Variants in ZNF536 observed in about 807,000 individuals in gnomAD.
The protein encoded by ZNF536 is zinc finger protein 536.
ZNF536 carries 13 observed loss-of-function variants against 84.5 expected under a neutral mutation model. That is an observed-to-expected ratio of 0.15 (90% confidence interval 0.10 to 0.24). ZNF536 has a LOEUF of 0.24. Ranked by LOEUF, ZNF536 falls within the 10% of genes least tolerant of loss-of-function variation. The pLI is 1.00. For synonymous variants in ZNF536, 811 were observed against 742.5 expected (o/e 1.09, Z -1.50); for missense variants, 1,536 against 1,747.5 (o/e 0.88, Z 2.16).
intron 2 of ZNF536, among the ~76,000 whole-genome samples, chr19:30,288,494 A>G (rs1483054072): frequency 6.6e-6 from 1 of 152,218 alleles, no homozygotes; most frequent in East Asian, 1.9e-4. Flanking sequence ...GAGTGGTCCA[A>G]GTTACCTCAC....
At chr19:30,659,580 CAT>C (rs1416817000) in intron 1 of ZNF536, among the ~76,000 whole-genome samples, 1 of 152,160 alleles carries the variant, frequency 6.6e-6, no homozygotes, top group Non-Finnish European at 1.5e-5. Context: ...GCCTCACAAA[CAT>C]GGTGGAAGGT....
intron 1 of ZNF536, among the ~76,000 whole-genome samples, chr19:30,428,308 C>T (rs895611829): frequency 1.2e-4 from 19 of 152,334 alleles, no homozygotes; most frequent in Non-Finnish European, 2.2e-4. Context: ...CCTGTGCAGA[C>T]GCTGCTTCAA....
chr19:30,524,664 T>G (rs1239511041), intron 2 of ZNF536, among the ~76,000 whole-genome samples: 2 of 152,174 alleles, frequency 1.3e-5, no homozygotes, highest in Non-Finnish European at 2.9e-5. Flanking sequence ...GTCATTTAGG[T>G]AAGAATTCCT....
chr19:30,519,347 C>A (rs1568509132), intron 2 of ZNF536, among the ~76,000 whole-genome samples: 1 of 152,218 alleles, frequency 6.6e-6, no homozygotes, highest in African/African-American at 2.4e-5. Flanking sequence ...GGACTGGAAG[C>A]TTTGCACAGC....
upstream of ZNF536, among the ~76,000 whole-genome samples, chr19:30,368,633 C>G (rs531528614): frequency 1.3e-5 from 2 of 152,216 alleles, no homozygotes; most frequent in South Asian, 2.1e-4. Context: ...AAACTCAACA[C>G]GTTGATGACC....
At chr19:30,428,223 G>A (rs899941254) in intron 1 of ZNF536, among the ~76,000 whole-genome samples, 8 of 152,240 alleles carry the variant, frequency 5.3e-5, no homozygotes, top group Non-Finnish European at 7.3e-5. Flanking sequence ...GATAGAGGCC[G>A]CATCAACATG....
rs772633500 is a variant in ZNF536 at position 30,548,133 on chromosome 19, G to C, written c.2514G>C (p.Leu838=). Residue 838 remains leucine (L), a synonymous_variant, in exon 4 of 5, where the codon CTG becomes CTC. Transcript: ENST00000355537. ...CTCTGTTCATCAGGCCAGACATCCTGAGGGGGGCCTTCAAGGGTCTCCCTG... is the reference window on the plus strand; with the variant it reads ...CTCTGTTCATCAGGCCAGACATCCTCAGGGGGGCCTTCAAGGGTCTCCCTG... ...KASLFIRPDI[L]RGAFKGLPGI... is the part of the protein sequence containing the mutation. 2.5e-6 allele frequency: 4 copies of C among 1,614,098 alleles called. No individual in the cohort carries two copies. The Admixed American group carries it at 5.0e-5, about 20-fold the overall frequency.
At chr19:30,344,238 C>T (rs1393650808) in intron 2 of ZNF536, among the ~76,000 whole-genome samples, 4 of 117,606 alleles carry the variant, frequency 3.4e-5, no homozygotes, top group East Asian at 2.6e-4. Context: ...CAGGAGTTCG[C>T]GACCAGCCTG....
At chr19:30,323,853 C>T (rs557910612) in intron 2 of ZNF536, among the ~76,000 whole-genome samples, 2 of 152,260 alleles carry the variant, frequency 1.3e-5, no homozygotes, top group South Asian at 2.1e-4. Flanking sequence ...TCTATTTGTC[C>T]TGCTCCTCTG....
At chr19:30,623,020 GTT>G (rs66483120) in intron 1 of ZNF536, among the ~76,000 whole-genome samples, 4 of 129,542 alleles carry the variant, frequency 3.1e-5, no homozygotes, top group South Asian at 2.4e-4. Flanking sequence ...AAAATCTTGT[GTT>G]TTTTTTTTTG....
chr19:30,631,432 G>T (rs1469666850), intron 1 of ZNF536, among the ~76,000 whole-genome samples: 1 of 152,164 alleles, frequency 6.6e-6, no homozygotes, highest in African/African-American at 2.4e-5. Context: ...CTCCCACCAG[G>T]GTCCATGGAC....
At position 30,374,172 on chromosome 19, in the gene ZNF536, G is replaced by A. The variant is rs140073487; in HGVS notation, c.-3+1616G>A. Among the ~76,000 whole-genome samples the A allele has an allele frequency of 5.9e-3, 893 of 152,198 alleles. 17 individuals are homozygous for A. The highest frequency in any genetic ancestry group is 0.02 in the African/African-American group (849 of 41,552). On this transcript the variant is annotated intron_variant, in intron 1 of 4. Transcript: ENST00000355537. ...CATGAAGATAAGAAATATTGCCCTG[G>A]AGTGTATAAAGAAAGAGTTTTTTTT...
chr19:30,572,828 G>A (rs796538176), intron 1 of ZNF536, among the ~76,000 whole-genome samples: 1 of 152,194 alleles, frequency 6.6e-6, no homozygotes, highest in East Asian at 1.9e-4. Flanking sequence ...TGTTGAAGGG[G>A]GACATTGGAG....
intron 1 of ZNF536, among the ~76,000 whole-genome samples, chr19:30,414,131 T>A (rs1311701241): frequency 1.3e-5 from 2 of 151,146 alleles, no homozygotes; most frequent in Non-Finnish European, 2.9e-5. Flanking sequence ...CTGTACCTAT[T>A]TAATGTTTTG....
intron 2 of ZNF536, among the ~76,000 whole-genome samples, chr19:30,481,707 G>T (rs1275229137): frequency 6.6e-6 from 1 of 151,890 alleles, no homozygotes. Context: ...TTTGGGGAAC[G>T]GGTGGCTTTT....
Position 30,444,113 on chromosome 19 carries a change from A to G in ZNF536, c.551A>G (p.Asn184Ser), listed in dbSNP as rs2052196020. The change falls in exon 2 of 5, where the codon AAC becomes AGC. Residue 184 changes from asparagine (N) to serine (S), a missense_variant. Coordinates refer to ENST00000355537, the MANE Select transcript of ZNF536 (RefSeq NM_014717.3). The part of the protein sequence containing the change: ...KIHLRTHKLG[N>S]LGKGRGRVRE... ...CACCTGCGGACCCACAAGCTGGGCA[A>G]CCTGGGCAAGGGGCGTGGGCGTGTG... 5 of 1,611,770 alleles carry G rather than the reference A, an allele frequency of 3.1e-6. No individual in the cohort carries two copies. In the South Asian group the frequency reaches 3.3e-5, roughly 11 times the overall value.
chr19:30,547,516 A>G (rs2146161295), intron 3 of ZNF536, among the ~76,000 whole-genome samples: 1 of 152,354 alleles, frequency 6.6e-6, no homozygotes, highest in East Asian at 1.9e-4. Context: ...AGGTTTAAAA[A>G]TGGTTTCCAT....
chr19:30,453,455 T>C (rs1057060359), intron 2 of ZNF536, among the ~76,000 whole-genome samples: 1 of 152,238 alleles, frequency 6.6e-6, no homozygotes, highest in Admixed American at 6.5e-5. Context: ...TAAGTCCTTG[T>C]ATATTGTGAG....
chr19:30,569,556 G>GTTATTTTTTTTTTTTT (rs1193738249), intron 1 of ZNF536, among the ~76,000 whole-genome samples: 1 of 80,440 alleles, frequency 1.2e-5, no homozygotes, highest in Non-Finnish European at 2.4e-5. Context: ...CCAGATAAAC[G>GTTATTTTTTTTTTTTT]TTCTTTTTTT....
Sources: allele counts gnomAD v4.1 joint callset (sites outside exome capture counted in the v4.1 genomes callset), GRCh38; gene constraint gnomAD v4.1.1; transcripts MANE v1.5; gene names NCBI Gene and HGNC (gene_info 2026-07-23, HGNC 2026-07-21).